The following SWT1 variants were observed in gnomAD, a reference collection of about 807,000 sequenced individuals.
SWT1 encodes SWT1 RNA endoribonuclease homolog.
SWT1 carries 33 observed loss-of-function variants against 107.3 expected under a neutral mutation model. The ratio of observed to expected loss-of-function variants is 0.31; its 90% CI spans 0.23 to 0.41. SWT1 has a LOEUF of 0.41. Ranked by LOEUF, SWT1 falls within the 10% of genes least tolerant of loss-of-function variation. The pLI is 1.00. For synonymous variants in SWT1, 345 were observed against 348.3 expected, an observed-to-expected ratio of 0.99 and a Z score of 0.11; for missense variants, 898 against 1,028.9, an observed-to-expected ratio of 0.87 and a Z score of 1.74.
chr1:185,177,654 C>G (rs1321923124), intron 5 of SWT1, among the ~76,000 whole-genome samples: 1 of 152,024 alleles, frequency 6.6e-6, no homozygotes, highest in Non-Finnish European at 1.5e-5. Flanking sequence ...AATTATTTTC[C>G]TAAAATAATG....
intron 1 of SWT1, among the ~76,000 whole-genome samples, chr1:185,157,941 GTTTC>G (rs1253938999): frequency 6.6e-6 from 1 of 151,980 alleles, no homozygotes; most frequent in Non-Finnish European, 1.5e-5. Flanking sequence ...AGCCTTTCTT[GTTTC>G]TTTCTTCTGT....
intron 9 of SWT1, among the ~76,000 whole-genome samples, chr1:185,185,801 A>G (rs1443066221): frequency 6.6e-6 from 1 of 152,182 alleles, no homozygotes; most frequent in Non-Finnish European, 1.5e-5. Flanking sequence ...AATTTTGAAG[A>G]AAAAGGGTCT....
intron 16 of SWT1, among the ~76,000 whole-genome samples, chr1:185,238,319 G>A (rs1284666308): frequency 2.0e-5 from 3 of 152,108 alleles, no homozygotes; most frequent in Admixed American, 6.6e-5. Flanking sequence ...TTGAGCCTCA[G>A]TGTTCATAAA....
intron 4 of SWT1, 42 bp from the exon 5 acceptor site, chr1:185,174,330 G>A: frequency 1.4e-6 from 2 of 1,447,826 alleles, no homozygotes; most frequent in Non-Finnish European, 9.2e-7. Flanking sequence ...GCAACATTAT[G>A]TATAATTATA....
At chr1:185,203,507 G>C (rs1658056746) in intron 11 of SWT1, among the ~76,000 whole-genome samples, 1 of 151,834 alleles carries the variant, frequency 6.6e-6, no homozygotes, top group South Asian at 2.1e-4. Context: ...TGTAATCCCA[G>C]CTACTCGGGA....
chr1:185,214,365 C>G, intron 13 of SWT1, 142 bp from the exon 14 acceptor site: 1 of 501,352 alleles, frequency 2.0e-6, no homozygotes, highest in Non-Finnish European at 3.4e-6. Flanking sequence ...GCTTTTTGTA[C>G]CAGAGGGATA....
intron 10 of SWT1, among the ~76,000 whole-genome samples, chr1:185,199,883 A>G (rs1657721465): frequency 6.6e-6 from 1 of 152,164 alleles, no homozygotes; most frequent in African/African-American, 2.4e-5. Context: ...AAGTACACCA[A>G]TCAAATGTAG....
chr1:185,282,316 G>A (rs1018335658), intron 18 of SWT1, among the ~76,000 whole-genome samples: 3 of 151,794 alleles, frequency 2.0e-5, no homozygotes, highest in Non-Finnish European at 2.9e-5. Flanking sequence ...GGCATTCTTA[G>A]GGCTTGGGAT....
intron 3 of SWT1, among the ~76,000 whole-genome samples, chr1:185,167,725 G>A (rs1438962541): frequency 6.6e-6 from 1 of 151,996 alleles, no homozygotes; most frequent in African/African-American, 2.4e-5. Context: ...CTTTCGCTAG[G>A]CTGGTTTATT....
rs1654761392 is a variant in SWT1 at position 185,168,325 on chromosome 1, TTTTA to T, written c.166-7_166-4del. ...CCAGTGCACAATTTATGTGTCCTTT[TTTTA>T]TTTATTTCAGAAATCAGATCATACA... is the stretch of plus-strand genomic sequence containing the variant. On this transcript the variant is annotated splice_polypyrimidine_tract_variant and intron_variant, in intron 3 of 18. Coordinates refer to ENST00000367500, the MANE Select transcript of SWT1 (RefSeq NM_017673.7). 1.7e-6 allele frequency: 2 copies of T among 1,204,222 alleles called. No homozygotes were observed. The highest frequency in any genetic ancestry group is 3.1e-5 in the South Asian group (2 of 64,586). 74.6% of individuals were successfully genotyped at this position (1,204,222 alleles called of 1,614,324 possible).
chr1:185,256,399 C>T (rs1662523762), intron 16 of SWT1, among the ~76,000 whole-genome samples: 1 of 150,486 alleles, frequency 6.6e-6, no homozygotes, highest in Admixed American at 6.6e-5. Flanking sequence ...TCCATTCTCC[C>T]CATCACTTTC....
At chr1:185,186,540 G>A (rs1415254270) in intron 9 of SWT1, among the ~76,000 whole-genome samples, 1 of 151,930 alleles carries the variant, frequency 6.6e-6, no homozygotes, top group African/African-American at 2.4e-5. Context: ...TACATACATT[G>A]CTATAGCCAC....
chr1:185,184,338 G>A lies in SWT1; in HGVS notation c.1234G>A (p.Val412Ile), dbSNP rs1486792799. 4.7e-6 allele frequency: 7 copies of A among 1,496,996 alleles called. No individual in the cohort carries two copies. Among genetic ancestry groups the A allele is most frequent in the Non-Finnish European group, 6.4e-6 (7 of 1,086,166 alleles). 92.7% of individuals were successfully genotyped at this position (1,496,996 alleles called of 1,614,324 possible). Residue 412 changes from valine (V) to isoleucine (I), a missense_variant, in exon 8 of 19, where the codon GTA becomes ATA. Around this residue, in one of 6 missense-constraint regions of SWT1, gnomAD observed 94 missense variants for 114.5 expected, o/e 0.82. Transcript: ENST00000367500. ...TGTTAGAATTTTGAAGACAACAGAA[G>A]TACCAGGTATTTACAGAACATATTT... ...KFVRILKTTE[V>I]PGFDKLVLII...
chr1:185,262,400 G>A (rs1305086647), intron 16 of SWT1: 1 of 152,220 alleles, frequency 6.6e-6, no homozygotes, highest in Admixed American at 6.5e-5. Context: ...GAAGCATAAT[G>A]CTAGAAAGCA....
chr1:185,182,086 C>T (rs992896648), intron 7 of SWT1, 29 bp downstream of exon 7: 3 of 1,583,752 alleles, frequency 1.9e-6, no homozygotes, highest in Non-Finnish European at 1.7e-6. Flanking sequence ...TGTGTATGCT[C>T]CCCTATGCTT....
At chr1:185,287,868 T>C (rs2102791877) in intron 18 of SWT1, among the ~76,000 whole-genome samples, 1 of 152,240 alleles carries the variant, frequency 6.6e-6, no homozygotes, top group African/African-American at 2.4e-5. Flanking sequence ...TTGTCCAGAA[T>C]ACTAACTCAC....
chr1:185,285,118 C>T (rs1344973209), intron 18 of SWT1, among the ~76,000 whole-genome samples: 1 of 152,122 alleles, frequency 6.6e-6, no homozygotes, highest in East Asian at 1.9e-4. Flanking sequence ...TCTTATCTGA[C>T]TCAGTACTTT....
chr1:185,274,825 T>G (rs1664133036), intron 17 of SWT1, among the ~76,000 whole-genome samples: 1 of 152,204 alleles, frequency 6.6e-6, no homozygotes, highest in Non-Finnish European at 1.5e-5. Context: ...TAATTTAAAA[T>G]GTCTCAATAT....
At chr1:185,225,841 AAAG>A (rs927269190) in intron 15 of SWT1, among the ~76,000 whole-genome samples, 2 of 152,224 alleles carry the variant, frequency 1.3e-5, no homozygotes. Context: ...GATTTTGTTA[AAAG>A]AAGATAAATA....
Sources: gnomAD v4.1 joint callset for allele counts (sites outside exome capture counted in the v4.1 genomes callset) on GRCh38, gnomAD v4.1.1 for gene constraint, gnomAD v4.1.1 regional missense constraint, MANE v1.5 for transcripts, NCBI Gene and HGNC (gene_info 2026-07-23, HGNC 2026-07-21) for gene names.